The following SPAG1 variants were observed in gnomAD, a reference collection of about 807,000 sequenced individuals.
The protein encoded by SPAG1 is sperm-associated antigen 1.
In SPAG1, 69 loss-of-function variants were observed where a neutral mutation model predicts 100.5. That is an observed-to-expected ratio of 0.69 (90% CI 0.57 to 0.84). The LOEUF is 0.84. Ranked by LOEUF, SPAG1 falls within the 40% of genes least tolerant of loss-of-function variation. The pLI is 0.00. For synonymous variants in SPAG1, 336 were observed against 411.6 expected (o/e 0.82, Z 2.22); for missense variants, 955 against 1,133.1 (o/e 0.84, Z 2.26).
At chr8:100,216,069 T>C (rs1251678657) in intron 12 of SPAG1, among the ~76,000 whole-genome samples, 1 of 152,182 alleles carries the variant, frequency 6.6e-6, no homozygotes, top group African/African-American at 2.4e-5. Flanking sequence ...TCTGCCATGG[T>C]GGGATACCAT....
chr8:100,180,410 A>G (rs1308430781), intron 4 of SPAG1, among the ~76,000 whole-genome samples: 1 of 152,210 alleles, frequency 6.6e-6, no homozygotes, highest in African/African-American at 2.4e-5. Context: ...AATAATTTAG[A>G]TATTATGTGT....
chr8:100,240,760 G>C lies in SPAG1; in HGVS notation c.2638G>C (p.Glu880Gln). ...YQHLLYLSKAERFKMMLTLIS... is the reference protein window; with the variant it reads ...YQHLLYLSKAQRFKMMLTLIS... ...GCATCTTTTATACCTGAGTAAAGCA[G>C]AAAGGTTTAAGGTAAGTGGCTAAGT... Residue 880 changes from glutamate (E) to glutamine (Q), a missense_variant, in exon 18 of 19, where the codon GAA becomes CAA. Physicochemically the swap from Glu to Gln is conservative, Grantham distance 29. Transcript: ENST00000388798. 1 of 1,596,692 alleles carries C rather than the reference G, an allele frequency of 6.3e-7. No homozygotes were observed. The highest frequency in any genetic ancestry group is 8.5e-7 in the Non-Finnish European group (1 of 1,173,790).
intron 4 of SPAG1, among the ~76,000 whole-genome samples, chr8:100,183,036 C>T (rs761673398): frequency 2.0e-5 from 3 of 151,952 alleles, no homozygotes; most frequent in Non-Finnish European, 4.4e-5. Context: ...TGTAGTTGCT[C>T]GATCTCTGCT....
At chr8:100,232,032 C>T (rs1300224529) in intron 15 of SPAG1, among the ~76,000 whole-genome samples, 2 of 151,752 alleles carry the variant, frequency 1.3e-5, no homozygotes, top group Non-Finnish European at 2.9e-5. Flanking sequence ...AAGGCACCAG[C>T]GTCATTTATA....
chr8:100,159,560 C>G (rs1038672129), intron 1 of SPAG1, among the ~76,000 whole-genome samples: 34 of 152,198 alleles, frequency 2.2e-4, no homozygotes, highest in African/African-American at 7.5e-4. Context: ...TGCCCAAGTA[C>G]AGTGGGTTTT....
intron 14 of SPAG1, among the ~76,000 whole-genome samples, chr8:100,228,396 A>T (rs868008648): frequency 2.7e-4 from 29 of 106,726 alleles, no homozygotes; most frequent in Admixed American, 4.5e-4. Flanking sequence ...ACAAAGCAAG[A>T]CCCCCATCTC....
At chr8:100,173,324 T>C (rs1815964755) in intron 3 of SPAG1, among the ~76,000 whole-genome samples, 1 of 152,136 alleles carries the variant, frequency 6.6e-6, no homozygotes, top group Non-Finnish European at 1.5e-5. Flanking sequence ...GTTTGCCACT[T>C]GTCCCCTTTT....
chr8:100,168,666 T>G (rs1444967755), intron 3 of SPAG1, among the ~76,000 whole-genome samples: 1 of 144,574 alleles, frequency 6.9e-6, no homozygotes, highest in Non-Finnish European at 1.5e-5. Flanking sequence ...GATTACAGCA[T>G]GAGCCACCAT....
rs191236253 is a variant in SPAG1 at position 100,221,014 on chromosome 8, G to A, written c.1688+583G>A. Among the ~76,000 whole-genome samples, 70 of 152,012 alleles carry A rather than the reference G, an allele frequency of 4.6e-4. No homozygotes were observed. The East Asian group carries it at 0.011, about 24-fold the overall frequency. On this transcript the variant is annotated intron_variant, in intron 13 of 18. Transcript: ENST00000388798. ...TTTGAACCCAGGCTGCGGAGATTGC[G>A]GTGAGCTGAGATCATACCACTGCAC...
rs146500494 is a variant in SPAG1, at chr8:100,171,939, G to C, written c.301-5877G>C. The stretch of plus-strand genomic sequence containing the variant: ...AGACGGAGTCTCGCTCTATCGCCCG[G>C]GCTAGAGCGCAGTAGCACAATCTTG... On this transcript the variant is annotated intron_variant, in intron 3 of 18. Coordinates refer to ENST00000388798, the MANE Select transcript of SPAG1 (RefSeq NM_003114.5). Among the ~76,000 whole-genome samples the C allele has an allele frequency of 7.2e-3, 1,093 of 151,744 alleles. 21 individuals carry two copies. The highest frequency in any genetic ancestry group is 0.026 in the African/African-American group (1,056 of 41,358).
chr8:100,224,394 T>C (rs1818413749), intron 13 of SPAG1, among the ~76,000 whole-genome samples: 1 of 152,088 alleles, frequency 6.6e-6, no homozygotes. Context: ...ATACTAAAAT[T>C]AGCTGGGCGT....
At chr8:100,238,743 A>G (rs1223277247) in intron 16 of SPAG1, among the ~76,000 whole-genome samples, 3 of 146,604 alleles carry the variant, frequency 2.0e-5, no homozygotes, top group African/African-American at 7.4e-5. Flanking sequence ...CCATTTGCAT[A>G]GTCCTTTATA....
intron 8 of SPAG1, 62 bp from the exon 9 acceptor site, chr8:100,191,328 A>G (rs529153145): frequency 8.5e-7 from 1 of 1,175,768 alleles, no homozygotes; most frequent in African/African-American, 1.5e-5. Flanking sequence ...CACTTGCCAA[A>G]TATGTTGTAA....
intron 3 of SPAG1, among the ~76,000 whole-genome samples, chr8:100,171,738 T>C (rs1371515554): frequency 6.6e-6 from 1 of 152,206 alleles, no homozygotes; most frequent in Non-Finnish European, 1.5e-5. Flanking sequence ...TTACCTCATT[T>C]GTTCACCCTT....
intron 3 of SPAG1, among the ~76,000 whole-genome samples, chr8:100,174,587 GT>G (rs1198789047): frequency 5.3e-5 from 8 of 152,084 alleles, no homozygotes; most frequent in African/African-American, 1.9e-4. Flanking sequence ...TTCTTCCACC[GT>G]TTGCTTTAGT....
At chr8:100,219,967 C>T (rs1038569769) in intron 12 of SPAG1, among the ~76,000 whole-genome samples, 9 of 152,198 alleles carry the variant, frequency 5.9e-5, no homozygotes, top group African/African-American at 2.2e-4. Flanking sequence ...TCTGTTGAAA[C>T]CCTGCTGTGT....
intron 15 of SPAG1, 120 bp from the exon 16 acceptor site, chr8:100,233,291 A>G: frequency 9.2e-7 from 1 of 1,085,816 alleles, no homozygotes; most frequent in Non-Finnish European, 1.4e-6. Flanking sequence ...TTTCAATGGA[A>G]ACCGCAGTGG....
In SPAG1 at chr8:100,184,010, G is replaced by A. The variant is rs1056605409; in HGVS notation, c.543G>A (p.Thr181=). 1.7e-5 allele frequency: 26 copies of A among 1,543,072 alleles called. No homozygotes were observed. The highest frequency in any genetic ancestry group is 2.8e-5 in the African/African-American group (2 of 70,612). ...TTGATGAAGATTACAAAGAAAAGAC[G>A]GTAATAGACAAGTCACACTTGTCTA... ...LKIDEDYKEK[T]VIDKSHLSKI... is the part of the protein sequence containing the mutation. Residue 181 remains threonine (T), a synonymous_variant, in exon 6 of 19, where the codon ACG becomes ACA. Transcript: ENST00000388798.
At chr8:100,199,587 A>T (rs929877102) in intron 10 of SPAG1, among the ~76,000 whole-genome samples, 1 of 152,090 alleles carries the variant, frequency 6.6e-6, no homozygotes, top group African/African-American at 2.4e-5. Context: ...CTGGGATTAC[A>T]GGCTCCCACC....
Sources: allele counts gnomAD v4.1 joint callset (sites outside exome capture counted in the v4.1 genomes callset), GRCh38; gene constraint gnomAD v4.1.1; transcripts MANE v1.5; gene names NCBI Gene and HGNC (gene_info 2026-07-23, HGNC 2026-07-21).